CCNY: variants seen among roughly 807,000 people sequenced by gnomAD.
CCNY encodes cyclin-Y.
CCNY carries 19 observed loss-of-function variants against 42.8 expected under a neutral mutation model. The ratio of observed to expected loss-of-function variants is 0.44; its 90% CI spans 0.31 to 0.65. The LOEUF (loss-of-function observed/expected upper bound fraction) is 0.65, where lower values mean the gene tolerates loss of function less well. CCNY is among the 30% of genes least tolerant of loss of function. The pLI, the probability that CCNY is intolerant of heterozygous loss-of-function variation, is 0.07. For synonymous variants in CCNY, 165 were observed against 162.7 expected, an observed-to-expected ratio of 1.01 and a Z score of -0.11; for missense variants, 370 against 437.3, an observed-to-expected ratio of 0.85 and a Z score of 1.37.
intron 7 of CCNY, among the ~76,000 whole-genome samples, chr10:35,545,509 A>G (rs919938512): frequency 5.9e-5 from 9 of 152,162 alleles, no homozygotes; most frequent in African/African-American, 2.2e-4. Flanking sequence ...GTCTGTCTCC[A>G]AGTTTCCCCT....
chr10:35,309,785 C>T (rs1485861832), intron 3 of CCNY, among the ~76,000 whole-genome samples: 1 of 151,826 alleles, frequency 6.6e-6, no homozygotes, highest in African/African-American at 2.4e-5. Context: ...TTCTGGAGTA[C>T]ATGTGTTATT....
chr10:35,316,547 T>C (rs1835762453), intron 3 of CCNY: 1 of 152,246 alleles, frequency 6.6e-6, no homozygotes, highest in African/African-American at 2.4e-5. Flanking sequence ...TTCCTGGGTG[T>C]TGTTGCCAAA....
intron 2 of CCNY, among the ~76,000 whole-genome samples, chr10:35,489,803 T>C (rs986546343): frequency 1.3e-5 from 2 of 152,230 alleles, no homozygotes; most frequent in East Asian, 3.8e-4. Context: ...TGCAAAAGAA[T>C]TACTCAGTTA....
intron 1 of CCNY, among the ~76,000 whole-genome samples, chr10:35,376,175 A>G (rs1356844781): frequency 1.3e-5 from 2 of 152,202 alleles, no homozygotes; most frequent in South Asian, 2.1e-4. Flanking sequence ...ACAGGACACC[A>G]TGTATAGTGT....
chr10:35,376,196 T>A (rs1214642204), intron 1 of CCNY, among the ~76,000 whole-genome samples: 1 of 152,202 alleles, frequency 6.6e-6, no homozygotes, highest in African/African-American at 2.4e-5. Flanking sequence ...TAAAAATTAT[T>A]GAAACTCTCA....
intron 1 of CCNY, among the ~76,000 whole-genome samples, chr10:35,428,434 G>A (rs1188264478): frequency 1.3e-5 from 2 of 152,226 alleles, no homozygotes; most frequent in Non-Finnish European, 2.9e-5. Flanking sequence ...AAGCCAGTCT[G>A]GCTGGAATGA....
chr10:35,436,193 C>G (rs1838528648), intron 1 of CCNY, among the ~76,000 whole-genome samples: 1 of 152,084 alleles, frequency 6.6e-6, no homozygotes, highest in South Asian at 2.1e-4. Context: ...CCCTGAGTGC[C>G]AAGCAGGGAT....
At chr10:35,297,266 C>T (rs1835482106) in intron 3 of CCNY, among the ~76,000 whole-genome samples, 1 of 152,084 alleles carries the variant, frequency 6.6e-6, no homozygotes, top group African/African-American at 2.4e-5. Flanking sequence ...GCATAATGAT[C>T]TCAATAGATG....
chr10:35,397,568 A>T (rs1195701752), intron 1 of CCNY, among the ~76,000 whole-genome samples: 1 of 152,268 alleles, frequency 6.6e-6, no homozygotes, highest in South Asian at 2.1e-4. Context: ...GAGACACAAC[A>T]TTGGCGGTGG....
At chr10:35,276,410 T>C (rs1383870597) in intron 3 of CCNY, among the ~76,000 whole-genome samples, 2 of 152,190 alleles carry the variant, frequency 1.3e-5, no homozygotes, top group East Asian at 1.9e-4. Flanking sequence ...TTTAGAGACA[T>C]GGTTTTGCTC....
intron 1 of CCNY, among the ~76,000 whole-genome samples, chr10:35,470,577 G>C (rs1253483374): frequency 1.3e-5 from 2 of 152,226 alleles, no homozygotes; most frequent in Non-Finnish European, 2.9e-5. Flanking sequence ...CTAAATATAA[G>C]TGTGTTATGA....
intron 1 of CCNY, among the ~76,000 whole-genome samples, chr10:35,348,886 GTT>G (rs879355356): frequency 6.9e-6 from 1 of 144,220 alleles, no homozygotes. Flanking sequence ...TCTAAGTTGG[GTT>G]TTTTTTTTTT....
At chr10:35,326,129 C>T (rs532288082) in intron 3 of CCNY, among the ~76,000 whole-genome samples, 1 of 152,066 alleles carries the variant, frequency 6.6e-6, no homozygotes, top group African/African-American at 2.4e-5. Context: ...ATAAAATGCG[C>T]CCATTTTACA....
upstream of CCNY, chr10:35,335,856 G>GACACAC (rs113808457): frequency 4.1e-5 from 6 of 145,984 alleles, no homozygotes; most frequent in East Asian, 8.0e-4. Context: ...CTACTTTGGA[G>GACACAC]ACACACACAC....
At chr10:35,372,550 A>G (rs1426211174) in intron 1 of CCNY, among the ~76,000 whole-genome samples, 8 of 151,266 alleles carry the variant, frequency 5.3e-5, no homozygotes, top group Non-Finnish European at 1.0e-4. Context: ...TTCTCTGAGC[A>G]CTCCCTACAT....
chr10:35,563,875 A>ATTT (rs527639128), intron 8 of CCNY, among the ~76,000 whole-genome samples: 13 of 118,518 alleles, frequency 1.1e-4, no homozygotes, highest in African/African-American at 2.9e-4. Flanking sequence ...TGCCTGACTA[A>ATTT]TTTTTTTTTT....
chr10:35,396,492 T>C (rs891613036), intron 1 of CCNY, among the ~76,000 whole-genome samples: 9 of 152,230 alleles, frequency 5.9e-5, no homozygotes, highest in Admixed American at 3.9e-4. Context: ...TTGAATGTTA[T>C]GCTGCCTCTC....
chr10:35,276,490 A>G (rs1426150933), intron 3 of CCNY, among the ~76,000 whole-genome samples: 2 of 152,000 alleles, frequency 1.3e-5, no homozygotes, highest in African/African-American at 4.8e-5. Flanking sequence ...GGCTTAAGCT[A>G]TCCTCCTACC....
chr10:35,421,157 G>C (rs1208200662), intron 1 of CCNY, among the ~76,000 whole-genome samples: 1 of 152,212 alleles, frequency 6.6e-6, no homozygotes. Flanking sequence ...GGTTGGACAG[G>C]CCGCTTCTGG....
Sources: gnomAD v4.1 joint callset for allele counts (sites outside exome capture counted in the v4.1 genomes callset) on GRCh38, gnomAD v4.1.1 for gene constraint, MANE v1.5 for transcripts, NCBI Gene and HGNC (gene_info 2026-07-23, HGNC 2026-07-21) for gene names.